Variants in PLCB4 observed in about 807,000 individuals in gnomAD.
PLCB4 encodes phospholipase C beta 4.
PLCB4 carries 77 observed loss-of-function variants against 178.8 expected under a neutral mutation model. The observed-to-expected ratio is 0.43, with a 90% CI of 0.36 to 0.52. The LOEUF (loss-of-function observed/expected upper bound fraction) is 0.52. Among genes scored for constraint, PLCB4 ranks in the 20% least tolerant of loss-of-function variants. PLCB4 has a pLI of 0.00. For synonymous variants in PLCB4, 496 were observed against 490.8 expected (o/e 1.01, Z -0.14); for missense variants, 1,024 against 1,453.4 (o/e 0.70, Z 4.80).
intron 2 of PLCB4, among the ~76,000 whole-genome samples, chr20:9,148,968 TG>T (rs1442947255): frequency 1.3e-5 from 2 of 152,204 alleles, no homozygotes; most frequent in African/African-American, 4.8e-5. Flanking sequence ...CTGGAGTATG[TG>T]GGCCACTTGG....
At chr20:9,445,734 C>T (rs1221232028) in intron 32 of PLCB4, among the ~76,000 whole-genome samples, 1 of 152,112 alleles carries the variant, frequency 6.6e-6, no homozygotes, top group Non-Finnish European at 1.5e-5. Flanking sequence ...GGAGACAGAA[C>T]AATTTAAAGT....
chr20:9,191,895 T>A (rs62858160), intron 2 of PLCB4, among the ~76,000 whole-genome samples: 7 of 149,694 alleles, frequency 4.7e-5, no homozygotes, highest in South Asian at 2.1e-4. Flanking sequence ...TTTTTTTTTT[T>A]AAATATACAC....
intron 2 of PLCB4, among the ~76,000 whole-genome samples, chr20:9,110,891 T>A (rs1237870114): frequency 1.3e-5 from 2 of 152,232 alleles, no homozygotes; most frequent in Admixed American, 1.3e-4. Context: ...TCCAAAATCC[T>A]ACAACCCACA....
At chr20:9,282,133 C>T (rs1213576943) in intron 3 of PLCB4, among the ~76,000 whole-genome samples, 1 of 151,910 alleles carries the variant, frequency 6.6e-6, no homozygotes, top group African/African-American at 2.4e-5. Context: ...AGATATAGAA[C>T]AAAATGTAGA....
chr20:9,440,668 G>A (rs2042051245), intron 30 of PLCB4, among the ~76,000 whole-genome samples: 1 of 152,146 alleles, frequency 6.6e-6, no homozygotes, highest in Admixed American at 6.6e-5. Context: ...ACATATTGAT[G>A]GGAGAAATTC....
intron 3 of PLCB4, among the ~76,000 whole-genome samples, chr20:9,293,592 G>A (rs1046445008): frequency 6.6e-6 from 1 of 151,780 alleles, no homozygotes; most frequent in Non-Finnish European, 1.5e-5. Context: ...TGTTTTGGGG[G>A]TTGGTTGGGA....
chr20:9,098,736 CAT>C (rs1491134320), intron 2 of PLCB4, among the ~76,000 whole-genome samples: 13 of 69,546 alleles, frequency 1.9e-4, no homozygotes, highest in Admixed American at 1.8e-3. Flanking sequence ...TATATATATA[CAT>C]ATATGTGTGT....
At chr20:9,339,105 C>A in intron 7 of PLCB4, 68 bp downstream of exon 7, 3 of 1,159,786 alleles carry the variant, frequency 2.6e-6, no homozygotes, top group Non-Finnish European at 3.7e-6. Context: ...TAATTTTATG[C>A]GTGCTATATT....
chr20:9,152,146 G>A (rs1313022236), intron 2 of PLCB4, among the ~76,000 whole-genome samples: 1 of 152,136 alleles, frequency 6.6e-6, no homozygotes, highest in African/African-American at 2.4e-5. Flanking sequence ...TATAAGGGAA[G>A]CAGAGCATAA....
chr20:9,144,704 GGGA>G (rs2092561091), intron 2 of PLCB4, among the ~76,000 whole-genome samples: 4 of 42,410 alleles, frequency 9.4e-5, no homozygotes, highest in Admixed American at 2.4e-4. Context: ...GGGGAAGGAG[GGGA>G]AGAAGGGGAA....
chr20:9,351,140 CT>C (rs531448471), intron 7 of PLCB4, among the ~76,000 whole-genome samples: 3,467 of 136,668 alleles, frequency 0.025, 108 homozygotes, highest in African/African-American at 0.077. Flanking sequence ...AGAAGTATTT[CT>C]TTTTTTTTTT....
chr20:9,279,537 G>A (rs1244819153), intron 3 of PLCB4, among the ~76,000 whole-genome samples: 1 of 151,798 alleles, frequency 6.6e-6, no homozygotes, highest in Non-Finnish European at 1.5e-5. Flanking sequence ...AGAACAATAG[G>A]GAAAATAGAA....
chr20:9,311,221 C>G (rs2094829634), intron 4 of PLCB4, among the ~76,000 whole-genome samples: 1 of 152,154 alleles, frequency 6.6e-6, no homozygotes, highest in Admixed American at 6.6e-5. Flanking sequence ...TAGGTGCTTA[C>G]CCACTTTTGA....
chr20:9,287,702 A>G (rs981968126), intron 3 of PLCB4, among the ~76,000 whole-genome samples: 7 of 152,202 alleles, frequency 4.6e-5, no homozygotes, highest in African/African-American at 1.7e-4. Flanking sequence ...ATAGATTTTA[A>G]TATTACAGAA....
Position 9,378,272 on chromosome 20 carries a change from T to G in PLCB4, c.745-1782T>G, listed in dbSNP as rs2036845032. On this transcript the variant is annotated intron_variant, in intron 12 of 39. Coordinates refer to ENST00000378473, the MANE Select transcript of PLCB4 (RefSeq NM_001377142.1). ...AACATATTTTTAAATTTAAAAAACT[T>G]AATTTTAATAAGGAAGATAAATAAA... is the stretch of plus-strand genomic sequence containing the variant. 2.6e-5 allele frequency among the ~76,000 whole-genome samples: 4 copies of G among 152,158 alleles called. 1 individual carries two copies. The highest frequency in any genetic ancestry group is 2.6e-4 in the Admixed American group (4 of 15,270).
intron 2 of PLCB4, among the ~76,000 whole-genome samples, chr20:9,173,344 T>C (rs2093097119): frequency 6.6e-6 from 1 of 152,218 alleles, no homozygotes; most frequent in Non-Finnish European, 1.5e-5. Flanking sequence ...CATCTCCTGA[T>C]AAATTAGAAG....
At chr20:9,331,450 CGA>C (rs200695265) in intron 4 of PLCB4, among the ~76,000 whole-genome samples, 2,237 of 152,128 alleles carry the variant, frequency 0.015, 40 homozygotes, top group Non-Finnish European at 0.02. Flanking sequence ...GAAGTGATGG[CGA>C]GAGAGAGGGC....
chr20:9,354,767 G>C (rs1374605808), intron 7 of PLCB4, among the ~76,000 whole-genome samples: 3 of 152,200 alleles, frequency 2.0e-5, no homozygotes, highest in Non-Finnish European at 4.4e-5. Context: ...ATGCCTGCCT[G>C]GTATCTGTTG....
intron 1 of PLCB4, among the ~76,000 whole-genome samples, chr20:9,093,548 C>A (rs1420787154): frequency 6.6e-6 from 1 of 151,898 alleles, no homozygotes; most frequent in Admixed American, 6.6e-5. Context: ...AAATAGAAGA[C>A]CATGAACTAT....
Sources: allele counts gnomAD v4.1 joint callset (sites outside exome capture counted in the v4.1 genomes callset), GRCh38; gene constraint gnomAD v4.1.1; transcripts MANE v1.5; gene names NCBI Gene and HGNC (gene_info 2026-07-23, HGNC 2026-07-21).